KCNH7: variants seen among roughly 807,000 people sequenced by gnomAD.
The protein encoded by KCNH7 is potassium voltage-gated channel subfamily H member 7.
Under a neutral mutation model 120.8 loss-of-function variants are expected in KCNH7, and 49 were observed. The observed-to-expected ratio is 0.41, with a 90% confidence interval of 0.32 to 0.51. The LOEUF (loss-of-function observed/expected upper bound fraction) is 0.51. Ranked by LOEUF, KCNH7 falls within the 20% of genes least tolerant of loss-of-function variation. KCNH7 has a pLI of 0.38. For missense variants in KCNH7, 1,097 were observed against 1,446.6 expected, an observed-to-expected ratio of 0.76 and a Z score of 3.92; for synonymous variants, 547 against 516.1, an observed-to-expected ratio of 1.06 and a Z score of -0.81.
At chr2:162,452,638 C>A (rs1375232002) in intron 6 of KCNH7, among the ~76,000 whole-genome samples, 1 of 152,010 alleles carries the variant, frequency 6.6e-6, no homozygotes, top group Non-Finnish European at 1.5e-5. Context: ...TCTGAGTGTA[C>A]TTAGCTACAT....
intron 2 of KCNH7, among the ~76,000 whole-genome samples, chr2:162,792,408 G>A (rs1683980266): frequency 6.6e-6 from 1 of 151,930 alleles, no homozygotes; most frequent in African/African-American, 2.4e-5. Flanking sequence ...GAATCCATCT[G>A]GCCCTGGCTT....
intron 2 of KCNH7, among the ~76,000 whole-genome samples, chr2:162,825,806 T>C (rs1416694545): frequency 6.6e-6 from 1 of 152,090 alleles, no homozygotes; most frequent in Non-Finnish European, 1.5e-5. Context: ...GAAAACAAGC[T>C]ACAAGCTGTG....
At chr2:162,692,272 C>T (rs1276155481) in intron 2 of KCNH7, among the ~76,000 whole-genome samples, 1 of 151,860 alleles carries the variant, frequency 6.6e-6, no homozygotes, top group African/African-American at 2.4e-5. Context: ...ACAATAGGCA[C>T]ACGCCACCAC....
rs563841309 is a variant in KCNH7, at chr2:162,702,335, A to G, written c.307+134202T>C. On this transcript the variant is annotated intron_variant, in intron 2 of 15. Transcript: ENST00000332142. ...CTGAGGCTATTACACCATATTATGC[A>G]CAGATAAACCACAGTAGTAAAATAA... 2.0e-5 allele frequency among the ~76,000 whole-genome samples: 3 copies of G among 152,292 alleles called. No individual in the cohort carries two copies. In the East Asian group the frequency reaches 5.8e-4, roughly 29 times the overall value.
chr2:162,672,627 A>T (rs1396485336), intron 2 of KCNH7, among the ~76,000 whole-genome samples: 1 of 152,028 alleles, frequency 6.6e-6, no homozygotes, highest in Non-Finnish European at 1.5e-5. Flanking sequence ...AGAGCAGAAA[A>T]AATAGAAATA....
intron 6 of KCNH7, among the ~76,000 whole-genome samples, chr2:162,473,476 A>G (rs1409980153): frequency 1.3e-5 from 2 of 152,176 alleles, no homozygotes; most frequent in Non-Finnish European, 2.9e-5. Context: ...CTTTCTCTTC[A>G]AAGCAACAGT....
At chr2:162,615,002 C>T (rs1017388946) in intron 2 of KCNH7, among the ~76,000 whole-genome samples, 2 of 151,966 alleles carry the variant, frequency 1.3e-5, no homozygotes, top group African/African-American at 2.4e-5. Flanking sequence ...TATAGCAATA[C>T]GGTTTAAATG....
intron 2 of KCNH7, among the ~76,000 whole-genome samples, chr2:162,735,879 T>A (rs1009009649): frequency 6.6e-6 from 1 of 152,178 alleles, no homozygotes; most frequent in East Asian, 1.9e-4. Context: ...GTGACAATTT[T>A]ACACACATAA....
intron 2 of KCNH7, among the ~76,000 whole-genome samples, chr2:162,561,183 G>A (rs920156927): frequency 5.9e-5 from 9 of 151,462 alleles, no homozygotes; most frequent in African/African-American, 4.9e-5. Context: ...TCATAATTAT[G>A]TATCTAATTT....
chr2:162,584,901 CTTTT>C (rs5835912), intron 2 of KCNH7, among the ~76,000 whole-genome samples: 1 of 126,512 alleles, frequency 7.9e-6, no homozygotes, highest in Admixed American at 7.9e-5. Context: ...CAATCCCCAG[CTTTT>C]TTTTTTTTTT....
At chr2:162,683,620 C>T (rs1685786017) in intron 2 of KCNH7, among the ~76,000 whole-genome samples, 1 of 151,722 alleles carries the variant, frequency 6.6e-6, no homozygotes, top group Non-Finnish European at 1.5e-5. Flanking sequence ...ATAGAAAGAC[C>T]TTCCCTGTGT....
chr2:162,691,930 T>C (rs1686119583), intron 2 of KCNH7, among the ~76,000 whole-genome samples: 1 of 152,218 alleles, frequency 6.6e-6, no homozygotes, highest in Admixed American at 6.5e-5. Context: ...GGTTAAGATT[T>C]GGTAATTGTC....
At chr2:162,453,111 C>T (rs1001976499) in intron 6 of KCNH7, among the ~76,000 whole-genome samples, 1 of 152,068 alleles carries the variant, frequency 6.6e-6, no homozygotes, top group Non-Finnish European at 1.5e-5. Flanking sequence ...CCTCCTCTTG[C>T]CCCCTACCCC....
chr2:162,720,312 A>G (rs955109684), intron 2 of KCNH7, among the ~76,000 whole-genome samples: 15 of 150,700 alleles, frequency 1.0e-4, no homozygotes, highest in African/African-American at 3.6e-4. Flanking sequence ...AAAAAAAAAA[A>G]AAAAAAAAAA....
chr2:162,589,405 TTGTG>T (rs141592943), intron 2 of KCNH7, among the ~76,000 whole-genome samples: 1 of 151,674 alleles, frequency 6.6e-6, no homozygotes, highest in Non-Finnish European at 1.5e-5. Flanking sequence ...GTGTTTGTGT[TTGTG>T]TGTGTGTGTG....
intron 2 of KCNH7, among the ~76,000 whole-genome samples, chr2:162,632,043 T>TA (rs1268569357): frequency 1.3e-5 from 2 of 151,692 alleles, no homozygotes; most frequent in Non-Finnish European, 2.9e-5. Flanking sequence ...AAAAGGAAGA[T>TA]AAAAAAATGA....
At chr2:162,678,095 G>C (rs980280157) in intron 2 of KCNH7, among the ~76,000 whole-genome samples, 4 of 150,424 alleles carry the variant, frequency 2.7e-5, no homozygotes. Flanking sequence ...ATGTGTAGAT[G>C]TATGTACACA....
intron 2 of KCNH7, among the ~76,000 whole-genome samples, chr2:162,787,308 C>A (rs1683745817): frequency 6.6e-6 from 1 of 152,236 alleles, no homozygotes. Flanking sequence ...TAGTGTCAAG[C>A]TGGCTCCTGC....
At chr2:162,728,709 C>T (rs189654240) in intron 2 of KCNH7, among the ~76,000 whole-genome samples, 1 of 152,204 alleles carries the variant, frequency 6.6e-6, no homozygotes, top group Admixed American at 6.5e-5. Flanking sequence ...ACCCAGGAGG[C>T]AGAGGTTGTG....
Sources: gnomAD v4.1 joint callset for allele counts (sites outside exome capture counted in the v4.1 genomes callset) on GRCh38, gnomAD v4.1.1 for gene constraint, MANE v1.5 for transcripts, NCBI Gene and HGNC (gene_info 2026-07-23, HGNC 2026-07-21) for gene names.